The following RAB20 variants were observed in gnomAD, a reference collection of about 807,000 sequenced individuals.
RAB20 encodes ras-related protein Rab-20.
In RAB20, 2 loss-of-function variants were observed where a neutral mutation model predicts 3.7. The observed-to-expected ratio is 0.54, with a 90% CI of 0.22 to 1.69. The LOEUF is 1.69. Ranked by LOEUF, RAB20 falls within the 40% of genes most tolerant of loss-of-function variation. The probability of loss-of-function intolerance (pLI) is 0.19; values close to 1 mark genes in which losing one functional copy is unlikely to be tolerated. For missense variants in RAB20, 276 were observed against 311.9 expected (o/e 0.88, Z 0.87); for synonymous variants, 126 against 130.8 (o/e 0.96, Z 0.25).
intron 1 of RAB20, among the ~76,000 whole-genome samples, chr13:110,547,731 T>C (rs1160036789): frequency 6.6e-6 from 1 of 152,126 alleles, no homozygotes; most frequent in Admixed American, 6.5e-5. Flanking sequence ...GGGGAAGCGT[T>C]TTGCAGAGCC....
At chr13:110,529,771 C>G (rs1016276005) in intron 1 of RAB20, among the ~76,000 whole-genome samples, 1 of 152,154 alleles carries the variant, frequency 6.6e-6, no homozygotes, top group African/African-American at 2.4e-5. Context: ...ACTCTCCCGC[C>G]TTTTTGCCTG....
At chr13:110,527,280 G>C (rs1048449387) in intron 1 of RAB20, among the ~76,000 whole-genome samples, 6 of 152,100 alleles carry the variant, frequency 3.9e-5, no homozygotes, top group Admixed American at 2.0e-4. Context: ...GGCGCCCACA[G>C]AGACACACAC....
At chr13:110,547,822 C>T (rs1053998938) in intron 1 of RAB20, among the ~76,000 whole-genome samples, 10 of 152,246 alleles carry the variant, frequency 6.6e-5, no homozygotes, top group African/African-American at 2.4e-4. Flanking sequence ...TAGACTGGAA[C>T]CTCAGTCTTG....
chr13:110,542,075 AATTTT>A (rs2139583002), intron 1 of RAB20, among the ~76,000 whole-genome samples: 1 of 152,136 alleles, frequency 6.6e-6, no homozygotes, highest in South Asian at 2.1e-4. Flanking sequence ...GTTTTGTTTT[AATTTT>A]ATTATTATTA....
intron 1 of RAB20, among the ~76,000 whole-genome samples, chr13:110,556,139 G>A (rs1447349060): frequency 6.6e-6 from 1 of 152,236 alleles, no homozygotes; most frequent in East Asian, 1.9e-4. Context: ...AGCCACAGCT[G>A]TGGTCGGCAG....
intron 1 of RAB20, among the ~76,000 whole-genome samples, chr13:110,551,901 T>G (rs558949597): frequency 5.3e-4 from 67 of 126,942 alleles, no homozygotes; most frequent in African/African-American, 2.0e-3. Flanking sequence ...GGCAACATAC[T>G]GAGACCCCTG....
At chr13:110,548,862 C>A (rs1400427893) in intron 1 of RAB20, among the ~76,000 whole-genome samples, 2 of 152,136 alleles carry the variant, frequency 1.3e-5, no homozygotes, top group Non-Finnish European at 2.9e-5. Context: ...GATGCCGGAA[C>A]AATGGACAAT....
intron 1 of RAB20, among the ~76,000 whole-genome samples, chr13:110,548,045 G>C (rs1351157842): frequency 6.6e-6 from 1 of 152,172 alleles, no homozygotes. Context: ...AAGGCTCTTA[G>C]TAATAAAATT....
chr13:110,559,683 C>T, intron 1 of RAB20, among the ~76,000 whole-genome samples: 1 of 152,206 alleles, frequency 6.6e-6, no homozygotes, highest in East Asian at 1.9e-4. Context: ...TGAGCTGCTG[C>T]CCCCCAGTAA....
chr13:110,523,721 C>A lies in RAB20; in HGVS notation c.649G>T (p.Val217Leu), dbSNP rs1884374975. 16 of 1,614,112 alleles carry A rather than the reference C, an allele frequency of 9.9e-6. 1 individual carries two copies. The South Asian group carries it at 1.5e-4, about 16-fold the overall frequency. ...QQRAERPSHT[V>L]DISSHKPPKR... ...GGTGGCTTATGACTGGATATATCCA[C>A]TGTGTGTGACGGCCTCTCAGCTCTC... Residue 217 changes from valine (V) to leucine (L), a missense_variant, in exon 2 of 2, where the codon GTG becomes TTG. By Grantham distance (32) the Val-to-Leu change is conservative (BLOSUM62 1). Coordinates refer to ENST00000267328, the MANE Select transcript of RAB20 (RefSeq NM_017817.3).
intron 1 of RAB20, among the ~76,000 whole-genome samples, chr13:110,554,907 G>T (rs1393252319): frequency 6.6e-6 from 1 of 152,048 alleles, no homozygotes; most frequent in East Asian, 1.9e-4. Context: ...TGAGAAACCC[G>T]TACTCTAGGT....
intron 1 of RAB20, among the ~76,000 whole-genome samples, chr13:110,527,900 TACACACACACACACACACACACAC>T (rs61582404): frequency 1.4e-5 from 2 of 138,122 alleles, no homozygotes; most frequent in African/African-American, 2.8e-5. Flanking sequence ...TCTCTACAAA[TACACACACACACACACACACACAC>T]ACACACACAC....
intron 1 of RAB20, among the ~76,000 whole-genome samples, chr13:110,546,154 T>C (rs546615887): frequency 6.6e-6 from 1 of 152,132 alleles, no homozygotes; most frequent in Non-Finnish European, 1.5e-5. Context: ...AGGGAACCTA[T>C]GATGTGCCAG....
chr13:110,558,398 T>TTG (rs60872939), intron 1 of RAB20, among the ~76,000 whole-genome samples: 4 of 145,570 alleles, frequency 2.7e-5, no homozygotes, highest in African/African-American at 1.0e-4. Context: ...TTTTTTTTTT[T>TTG]TTGAGACAGA....
intron 1 of RAB20, among the ~76,000 whole-genome samples, chr13:110,524,512 G>T (rs1884394368): frequency 6.6e-6 from 1 of 152,184 alleles, no homozygotes; most frequent in African/African-American, 2.4e-5. Context: ...AAGGAGTCCT[G>T]GCCCCAGCCA....
At chr13:110,557,910 C>T (rs546291119) in intron 1 of RAB20, among the ~76,000 whole-genome samples, 41 of 152,370 alleles carry the variant, frequency 2.7e-4, no homozygotes, top group African/African-American at 9.4e-4. Flanking sequence ...GCACACCAGC[C>T]GCTTTCTCAT....
chr13:110,528,863 C>G (rs1884478216), intron 1 of RAB20, among the ~76,000 whole-genome samples: 1 of 152,140 alleles, frequency 6.6e-6, no homozygotes, highest in Non-Finnish European at 1.5e-5. Context: ...TTGCTTGAAC[C>G]CTATAATCTG....
intron 1 of RAB20, among the ~76,000 whole-genome samples, chr13:110,527,105 T>C (rs1594127944): frequency 6.6e-6 from 1 of 152,082 alleles, no homozygotes; most frequent in African/African-American, 2.4e-5. Flanking sequence ...AACCACTGTT[T>C]AGAGCCAAAT....
intron 1 of RAB20, among the ~76,000 whole-genome samples, chr13:110,533,627 CA>C (rs1358357032): frequency 7.0e-4 from 106 of 152,284 alleles, no homozygotes; most frequent in Admixed American, 6.7e-3. Flanking sequence ...GGTTGGGCTG[CA>C]GTGAGCTGGG....
Sources: allele counts gnomAD v4.1 joint callset (sites outside exome capture counted in the v4.1 genomes callset), GRCh38; gene constraint gnomAD v4.1.1; transcripts MANE v1.5; gene names NCBI Gene and HGNC (gene_info 2026-07-23, HGNC 2026-07-21).